Variants in GRIK2 observed in about 807,000 individuals in gnomAD.
GRIK2 encodes glutamate receptor ionotropic, kainate 2.
GRIK2 carries 32 observed loss-of-function variants against 100.3 expected under a neutral mutation model. That is an observed-to-expected ratio of 0.32 (90% CI 0.24 to 0.43). The LOEUF is 0.43. Among genes scored for constraint, GRIK2 ranks in the 20% least tolerant of loss-of-function variants. GRIK2 has a pLI of 1.00. For synonymous variants in GRIK2, 417 were observed against 389.4 expected (o/e 1.07, Z -0.83); for missense variants, 843 against 1,114.9 (o/e 0.76, Z 3.47).
Position 102,035,550 on chromosome 6 carries a change from C to A in GRIK2, c.2295C>A (p.Gly765=), listed in dbSNP as rs372392956. 2.5e-6 allele frequency: 4 copies of A among 1,587,670 alleles called. No individual in the cohort carries two copies. The highest frequency in any genetic ancestry group is 2.6e-6 in the Non-Finnish European group (3 of 1,157,406). The stretch of plus-strand genomic sequence containing the variant: ...GCCTTATAGACTCTAAAGGTTATGG[C>A]GTTGGCACTCCCATGGGTAGGTTAT... ...IGGLIDSKGY[G]VGTPMGSPYR... is the part of the protein sequence containing the mutation. Residue 765 remains glycine, a synonymous_variant, in exon 15 of 17, where the codon GGC becomes GGA. Transcript: ENST00000369134.
At chr6:101,570,146 G>A (rs983571230) in intron 2 of GRIK2, among the ~76,000 whole-genome samples, 1 of 152,048 alleles carries the variant, frequency 6.6e-6, no homozygotes, top group South Asian at 2.1e-4. Flanking sequence ...ATAGGCTCAA[G>A]TTTGAATCTC....
chr6:101,762,958 A>G (rs1264880193), intron 7 of GRIK2, among the ~76,000 whole-genome samples: 1 of 152,100 alleles, frequency 6.6e-6, no homozygotes, highest in Admixed American at 6.6e-5. Flanking sequence ...CTGGCTTTTG[A>G]TTGTAGATCT....
At chr6:101,628,312 A>G (rs184747191) in intron 4 of GRIK2, among the ~76,000 whole-genome samples, 1 of 152,166 alleles carries the variant, frequency 6.6e-6, no homozygotes, top group Admixed American at 6.6e-5. Flanking sequence ...TCAATTAGAT[A>G]AGAAAGAGTG....
At chr6:101,689,978 T>C (rs1326201381) in intron 7 of GRIK2, among the ~76,000 whole-genome samples, 1 of 152,174 alleles carries the variant, frequency 6.6e-6, no homozygotes, top group South Asian at 2.1e-4. Flanking sequence ...TCTGCCTTTA[T>C]GTAGCACATT....
chr6:101,399,200 T>C lies in GRIK2; in HGVS notation c.-78T>C. 1.3e-6 allele frequency: 1 copy of C among 779,402 alleles called. No individual in the cohort carries two copies. The highest frequency in any genetic ancestry group is 1.4e-5 in the South Asian group (1 of 71,758). The allele number at this position is 779,402 out of a possible 1,614,324, so 48.3% of individuals were successfully genotyped here. On this transcript the variant is annotated 5_prime_UTR_variant, in exon 2 of 17. Transcript: ENST00000369134. ...GTGTCTGCGGTCACCACTCGACGCATCCTCATTTCTACCCGAACCCAGGAG... is the reference window on the plus strand; with the variant it reads ...GTGTCTGCGGTCACCACTCGACGCACCCTCATTTCTACCCGAACCCAGGAG...
intron 10 of GRIK2, among the ~76,000 whole-genome samples, chr6:101,842,510 A>G (rs1394706329): frequency 1.3e-5 from 2 of 152,156 alleles, no homozygotes; most frequent in East Asian, 3.9e-4. Flanking sequence ...ATTTTTCTGT[A>G]CAAGTTCTCT....
intron 2 of GRIK2, among the ~76,000 whole-genome samples, chr6:101,457,751 C>T (rs1049701698): frequency 3.9e-5 from 6 of 151,978 alleles, no homozygotes; most frequent in Non-Finnish European, 7.4e-5. Flanking sequence ...TTTGAATTTT[C>T]TTTCAAACAA....
At chr6:101,841,480 C>T (rs1783497831) in intron 10 of GRIK2, among the ~76,000 whole-genome samples, 1 of 152,008 alleles carries the variant, frequency 6.6e-6, no homozygotes, top group Admixed American at 6.6e-5. Flanking sequence ...TCTCTTGCCT[C>T]AGCCTCCCGA....
At chr6:101,397,506 T>C (rs1381354153) in intron 1 of GRIK2, among the ~76,000 whole-genome samples, 2 of 152,232 alleles carry the variant, frequency 1.3e-5, no homozygotes, top group African/African-American at 4.8e-5. Context: ...CCATTCATGA[T>C]ACTTATTTTT....
intron 2 of GRIK2, among the ~76,000 whole-genome samples, chr6:101,473,858 T>G (rs1772082662): frequency 6.6e-6 from 1 of 151,952 alleles, no homozygotes; most frequent in Admixed American, 6.6e-5. Context: ...CAGATGTTGC[T>G]TTTTTGTATT....
rs546575843 is a variant in GRIK2, at chr6:101,535,022, C to G, written c.116-86927C>G. ...GCTGAGCTCTGTGCTACATCATTAA[C>G]GTATTGCTTATGACTAAAAGCAAAG... On this transcript the variant is annotated intron_variant, in intron 2 of 16. Transcript: ENST00000369134. 4.6e-5 allele frequency among the ~76,000 whole-genome samples: 7 copies of G among 151,708 alleles called. No homozygotes were observed. In the South Asian group the frequency reaches 1.5e-3, roughly 31 times the overall value.
At chr6:101,986,132 T>G (rs1794003715) in intron 14 of GRIK2, among the ~76,000 whole-genome samples, 1 of 151,814 alleles carries the variant, frequency 6.6e-6, no homozygotes, top group African/African-American at 2.4e-5. Context: ...CTAGATGCAC[T>G]CGTGATGTGA....
At chr6:101,503,630 A>C (rs1313990678) in intron 2 of GRIK2, among the ~76,000 whole-genome samples, 1 of 152,162 alleles carries the variant, frequency 6.6e-6, no homozygotes, top group African/African-American at 2.4e-5. Flanking sequence ...TGATGGTCAA[A>C]AGGGGTAACT....
intron 2 of GRIK2, among the ~76,000 whole-genome samples, chr6:101,412,986 G>T (rs1775952968): frequency 6.6e-6 from 1 of 151,938 alleles, no homozygotes; most frequent in African/African-American, 2.4e-5. Context: ...TTTTCCCAAG[G>T]TTCTTTGAAT....
At chr6:101,764,244 G>T (rs1039842748) in intron 7 of GRIK2, among the ~76,000 whole-genome samples, 4 of 151,890 alleles carry the variant, frequency 2.6e-5, no homozygotes, top group African/African-American at 9.7e-5. Context: ...TATAACCCAG[G>T]TCCATACCTC....
At chr6:101,979,241 T>A (rs1793576164) in intron 14 of GRIK2, among the ~76,000 whole-genome samples, 1 of 151,864 alleles carries the variant, frequency 6.6e-6, no homozygotes, top group Non-Finnish European at 1.5e-5. Context: ...AGAGTTGCAG[T>A]TTTTAGTAAT....
At chr6:101,756,616 T>G (rs964804094) in intron 7 of GRIK2, among the ~76,000 whole-genome samples, 1 of 152,168 alleles carries the variant, frequency 6.6e-6, no homozygotes, top group African/African-American at 2.4e-5. Flanking sequence ...TGCCATAAAC[T>G]CTTCATAAAG....
chr6:102,017,207 T>G lies in GRIK2; in HGVS notation c.2086-18134T>G, dbSNP rs78711785. On this transcript the variant is annotated intron_variant, in intron 14 of 16. Coordinates refer to ENST00000369134, the MANE Select transcript of GRIK2 (RefSeq NM_021956.5). ...TTTAGACCACACAAACAAGTTGGCA[T>G]AATAAACAACTGAAAACATGATGAC... 5.6e-3 allele frequency among the ~76,000 whole-genome samples: 850 copies of G among 152,166 alleles called. 7 individuals carry two copies. The highest frequency in any genetic ancestry group is 0.02 in the African/African-American group (813 of 41,526).
At chr6:101,907,470 C>G (rs1245617784) in intron 12 of GRIK2, among the ~76,000 whole-genome samples, 1 of 151,566 alleles carries the variant, frequency 6.6e-6, no homozygotes, top group African/African-American at 2.4e-5. Flanking sequence ...ATAAGATGAC[C>G]TAACAAGAAT....
Sources: allele counts gnomAD v4.1 joint callset (sites outside exome capture counted in the v4.1 genomes callset), GRCh38; gene constraint gnomAD v4.1.1; transcripts MANE v1.5; gene names NCBI Gene and HGNC (gene_info 2026-07-23, HGNC 2026-07-21).